The following CBFA2T3 variants were observed in gnomAD, a reference collection of about 807,000 sequenced individuals.
The protein encoded by CBFA2T3 is transcriptional corepressor CBFA2T3.
Under a neutral mutation model 58.6 loss-of-function variants are expected in CBFA2T3, and 31 were observed. The ratio of observed to expected loss-of-function variants is 0.53; its 90% CI spans 0.40 to 0.71. CBFA2T3 has a LOEUF of 0.71. Ranked by LOEUF, CBFA2T3 falls within the 30% of genes least tolerant of loss-of-function variation. CBFA2T3 has a pLI of 0.00. For missense variants in CBFA2T3, 1,076 were observed against 963.1 expected (o/e 1.12, Z -1.55); for synonymous variants, 531 against 421.9 (o/e 1.26, Z -3.17).
chr16:88,923,068 C>T (rs1401500180), intron 1 of CBFA2T3, among the ~76,000 whole-genome samples: 1 of 152,230 alleles, frequency 6.6e-6, no homozygotes, highest in African/African-American at 2.4e-5. Context: ...CTGCTCCCAC[C>T]AGGTCCCTCC....
rs139937694 is a variant in CBFA2T3 at position 88,916,244 on chromosome 16, G to A, written c.152-14588C>T. Among the ~76,000 whole-genome samples, 978 of 151,176 alleles carry A rather than the reference G, an allele frequency of 6.5e-3. 51 individuals carry two copies. Among genetic ancestry groups the A allele is most frequent in the Admixed American group, 0.056 (847 of 15,146 alleles). On this transcript the variant is annotated intron_variant, in intron 1 of 11. Transcript: ENST00000268679. Reference sequence around the variant, plus strand: ...TACATGTGGGTGTGTGTATTCATGTGTGTATTCATGCGTGTGCATGGCTGT... The same window carrying A: ...TACATGTGGGTGTGTGTATTCATGTATGTATTCATGCGTGTGCATGGCTGT...
At chr16:88,948,262 T>G (rs141875243) in intron 1 of CBFA2T3, among the ~76,000 whole-genome samples, 1 of 152,226 alleles carries the variant, frequency 6.6e-6, no homozygotes, top group African/African-American at 2.4e-5. Context: ...TTCTGTTTCA[T>G]GCAAAGACAA....
At chr16:88,894,229 CACACACATGCAT>C (rs1969774743) in intron 3 of CBFA2T3, among the ~76,000 whole-genome samples, 2 of 96,732 alleles carry the variant, frequency 2.1e-5, no homozygotes, top group African/African-American at 4.4e-5. Flanking sequence ...CACACATGCA[CACACACATGCAT>C]ACATATACAC....
intron 1 of CBFA2T3, among the ~76,000 whole-genome samples, chr16:88,904,936 G>A (rs1312120321): frequency 6.6e-6 from 1 of 152,172 alleles, no homozygotes; most frequent in African/African-American, 2.4e-5. Context: ...ACCAGGCCAA[G>A]GCTCATGGAG....
intron 1 of CBFA2T3, among the ~76,000 whole-genome samples, chr16:88,915,787 G>A (rs975398854): frequency 6.6e-6 from 1 of 151,246 alleles, no homozygotes; most frequent in African/African-American, 2.4e-5. Flanking sequence ...GAGCAGACAC[G>A]TGGGCTAGAC....
At chr16:88,931,232 A>G (rs1406523504) in intron 1 of CBFA2T3, among the ~76,000 whole-genome samples, 1 of 152,024 alleles carries the variant, frequency 6.6e-6, no homozygotes, top group Admixed American at 6.5e-5. Flanking sequence ...GCCAACTTGC[A>G]GGCAGGTAGC....
At chr16:88,946,168 C>T (rs753855248) in intron 1 of CBFA2T3, among the ~76,000 whole-genome samples, 17 of 151,954 alleles carry the variant, frequency 1.1e-4, no homozygotes, top group Non-Finnish European at 2.1e-4. Flanking sequence ...ATTAGCTGGG[C>T]GTGGTGGCGG....
chr16:88,912,458 G>C (rs775060936), intron 1 of CBFA2T3, among the ~76,000 whole-genome samples: 2 of 152,158 alleles, frequency 1.3e-5, no homozygotes, highest in Non-Finnish European at 2.9e-5. Flanking sequence ...TACTTCCCTC[G>C]ATCTCTGCAT....
In CBFA2T3 at chr16:88,926,360, C is replaced by G. The variant is rs569557375; in HGVS notation, c.152-24704G>C. On this transcript the variant is annotated intron_variant, in intron 1 of 11. Transcript: ENST00000268679. ...AATCCACCACTGAAGGCCCCCCAAG[C>G]GCTCCGAGGGACCTGGCGTGCTATG... is the stretch of plus-strand genomic sequence containing the variant. Among the ~76,000 whole-genome samples, 22 of 152,362 alleles carry G rather than the reference C, an allele frequency of 1.4e-4. No homozygotes were observed. In the East Asian group the frequency reaches 4.2e-3, roughly 29 times the overall value.
At chr16:88,963,923 T>G (rs1972430109) in intron 1 of CBFA2T3, among the ~76,000 whole-genome samples, 1 of 152,194 alleles carries the variant, frequency 6.6e-6, no homozygotes, top group Non-Finnish European at 1.5e-5. Context: ...CTCTTCGTGG[T>G]GACTTAGGGG....
chr16:88,905,101 C>T (rs928156402), intron 1 of CBFA2T3, among the ~76,000 whole-genome samples: 1 of 151,996 alleles, frequency 6.6e-6, no homozygotes, highest in African/African-American at 2.4e-5. Flanking sequence ...TAGGAGTTGG[C>T]CAGGACCTGT....
chr16:88,918,786 G>C (rs1970820143), intron 1 of CBFA2T3, among the ~76,000 whole-genome samples: 1 of 152,228 alleles, frequency 6.6e-6, no homozygotes, highest in Non-Finnish European at 1.5e-5. Context: ...CACGGCAGGG[G>C]GTGCCGAGAA....
intron 1 of CBFA2T3, among the ~76,000 whole-genome samples, chr16:88,907,035 A>G (rs1970362599): frequency 6.6e-6 from 1 of 151,582 alleles, no homozygotes; most frequent in East Asian, 2.0e-4. Flanking sequence ...GCATGAGCGG[A>G]AGGACCATCT....
At chr16:88,966,494 T>G (rs1341238765) in intron 1 of CBFA2T3, among the ~76,000 whole-genome samples, 1 of 151,372 alleles carries the variant, frequency 6.6e-6, no homozygotes. Flanking sequence ...ACCAAACCCA[T>G]GTCCAGACGA....
At chr16:88,905,044 G>A (rs765125850) in intron 1 of CBFA2T3, among the ~76,000 whole-genome samples, 8 of 152,094 alleles carry the variant, frequency 5.3e-5, no homozygotes, top group Non-Finnish European at 1.2e-4. Flanking sequence ...GATGAGGGGT[G>A]AGTGTGGAAA....
At position 88,879,300 on chromosome 16, in the gene CBFA2T3, C is replaced by A; in HGVS notation, c.1632G>T (p.Thr544=). 1.2e-6 allele frequency: 2 copies of A among 1,606,762 alleles called. No individual in the cohort carries two copies. The highest frequency in any genetic ancestry group is 1.7e-5 in the Admixed American group (1 of 59,896). The change falls in exon 11 of 12, where the codon ACG becomes ACT. Residue 544 remains threonine (T), a synonymous_variant. Transcript: ENST00000268679. ...AKRQASEDAL[T]VINQQEDSSE... ...TGGAGTCCTCCTGCTGGTTGATGACCGTCAGGGCGTCCTCGGAGGCCTGCC... is the reference window on the plus strand; with the variant it reads ...TGGAGTCCTCCTGCTGGTTGATGACAGTCAGGGCGTCCTCGGAGGCCTGCC...
rs201101361 is a variant in CBFA2T3, at chr16:88,881,339, C to T, written c.1354G>A (p.Ala452Thr). Reference sequence around the variant, plus strand: ...GCGGAGCTGCTGCGGGGCCGGGCCGCGGCGGGAGCGGGGCCCTTCTTTGTG... The same window carrying T: ...GCGGAGCTGCTGCGGGGCCGGGCCGTGGCGGGAGCGGGGCCCTTCTTTGTG... ...EDTKKGPAPA[A>T]ARPRSSSAGP... is the part of the protein sequence containing the mutation. The change falls in exon 9 of 12, where the codon GCG becomes ACG. Residue 452 changes from alanine to threonine, a missense_variant. Ala to Thr is a moderately conservative substitution (Grantham distance 58). Transcript: ENST00000268679. The T allele has an allele frequency of 2.9e-4, 458 of 1,581,246 alleles. 1 individual carries two copies. The highest frequency in any genetic ancestry group is 3.1e-4 in the Non-Finnish European group (360 of 1,165,202).
At chr16:88,923,943 GA>G (rs1971004398) in intron 1 of CBFA2T3, among the ~76,000 whole-genome samples, 1 of 152,238 alleles carries the variant, frequency 6.6e-6, no homozygotes, top group Non-Finnish European at 1.5e-5. Flanking sequence ...ACAGTGCAAG[GA>G]CCACGAAGAC....
At chr16:88,895,938 A>G (rs1283964395) in intron 3 of CBFA2T3, among the ~76,000 whole-genome samples, 1 of 152,128 alleles carries the variant, frequency 6.6e-6, no homozygotes, top group Non-Finnish European at 1.5e-5. Context: ...TGGAGTTCCA[A>G]GTGGGGCTCC....
Sources: allele counts gnomAD v4.1 joint callset (sites outside exome capture counted in the v4.1 genomes callset), GRCh38; gene constraint gnomAD v4.1.1; transcripts MANE v1.5; gene names NCBI Gene and HGNC (gene_info 2026-07-23, HGNC 2026-07-21).